The following AGMO variants were observed in gnomAD, a reference collection of about 807,000 sequenced individuals.
AGMO encodes glyceryl-ether monooxygenase.
AGMO carries 75 observed loss-of-function variants against 60.2 expected under a neutral mutation model. That is an observed-to-expected ratio of 1.25 (90% CI 1.03 to 1.51). AGMO has a LOEUF of 1.51. Among genes scored for constraint, AGMO ranks in the 40% most tolerant of loss-of-function variants. The pLI is 0.00. For missense variants in AGMO, 763 were observed against 525.5 expected, an observed-to-expected ratio of 1.45 and a Z score of -4.42; for synonymous variants, 261 against 177.1, an observed-to-expected ratio of 1.47 and a Z score of -3.76.
intron 2 of AGMO, among the ~76,000 whole-genome samples, chr7:15,554,856 G>A (rs190638631): frequency 2.7e-4 from 41 of 151,972 alleles, no homozygotes; most frequent in Admixed American, 1.4e-3. Flanking sequence ...CCATCACCAG[G>A]AATAGAAGTG....
chr7:15,160,438 A>G, the AGMO span, among the ~76,000 whole-genome samples: 2 of 152,168 alleles, frequency 1.3e-5, no homozygotes, highest in African/African-American at 4.8e-5. Context: ...AATATTCCCA[A>G]AATATTATTA....
downstream of AGMO, among the ~76,000 whole-genome samples, chr7:15,198,257 CAGAGACAGAGAG>C (rs1781185309): frequency 8.8e-5 from 5 of 56,534 alleles, no homozygotes; most frequent in African/African-American, 4.9e-4. Flanking sequence ...GAGAGAGAGA[CAGAGACAGAGAG>C]AGAGTGTGTT....
At chr7:15,311,669 A>G (rs1053181909) in intron 12 of AGMO, among the ~76,000 whole-genome samples, 4 of 152,178 alleles carry the variant, frequency 2.6e-5, no homozygotes, top group African/African-American at 9.6e-5. Flanking sequence ...AAACCGCTAT[A>G]TAAATTTTTA....
chr7:15,141,509 C>A, the AGMO span, among the ~76,000 whole-genome samples: 1 of 152,060 alleles, frequency 6.6e-6, no homozygotes, highest in Non-Finnish European at 1.5e-5. Context: ...TTGCTTGAAC[C>A]CGGGAGGCAG....
chr7:15,447,563 T>A (rs28460018), intron 3 of AGMO, among the ~76,000 whole-genome samples: 1 of 152,122 alleles, frequency 6.6e-6, no homozygotes, highest in Non-Finnish European at 1.5e-5. Flanking sequence ...CTTTTTTCTT[T>A]TTTTTTAGAT....
intron 12 of AGMO, among the ~76,000 whole-genome samples, chr7:15,328,610 G>C (rs1034831735): frequency 2.6e-5 from 4 of 152,128 alleles, no homozygotes; most frequent in Admixed American, 6.6e-5. Flanking sequence ...CTCATGCCCG[G>C]AAGCAGCCAT....
chr7:15,438,643 T>C (rs1270324192), intron 3 of AGMO, among the ~76,000 whole-genome samples: 2 of 152,190 alleles, frequency 1.3e-5, no homozygotes, highest in South Asian at 2.1e-4. Context: ...GCTGTTCCTC[T>C]GCAACAGCAA....
chr7:15,365,705 C>G (rs1782949607), intron 11 of AGMO, 86 bp from the exon 12 acceptor site: 3 of 879,036 alleles, frequency 3.4e-6, no homozygotes, highest in Non-Finnish European at 5.3e-6. Flanking sequence ...ACTTCTCATT[C>G]TCAAGAAATA....
chr7:15,392,323 C>CTTG (rs372074782), intron 6 of AGMO, among the ~76,000 whole-genome samples: 1 of 151,450 alleles, frequency 6.6e-6, no homozygotes, highest in African/African-American at 2.4e-5. Context: ...ATCCGCGATC[C>CTTG]GCCTCCCAAA....
chr7:15,358,170 C>T (rs914402682), intron 12 of AGMO: 77 of 186,022 alleles, frequency 4.1e-4, no homozygotes, highest in African/African-American at 1.7e-3. Context: ...GAAATTACAA[C>T]GTGTTCTTCT....
At chr7:15,247,252 A>AATT (rs1435681650) in intron 12 of AGMO, among the ~76,000 whole-genome samples, 1 of 151,958 alleles carries the variant, frequency 6.6e-6, no homozygotes, top group Non-Finnish European at 1.5e-5. Context: ...AAATGCAAAT[A>AATT]ATTATATGTA....
At chr7:15,308,307 A>G (rs73679467) in intron 12 of AGMO, among the ~76,000 whole-genome samples, 285 of 152,096 alleles carry the variant, frequency 1.9e-3, no homozygotes, top group African/African-American at 6.5e-3. Flanking sequence ...ATTTTTTCCT[A>G]TTTAAAAATT....
intron 5 of AGMO, among the ~76,000 whole-genome samples, chr7:15,397,946 T>C (rs1562487337): frequency 6.6e-6 from 1 of 152,154 alleles, no homozygotes; most frequent in East Asian, 1.9e-4. Flanking sequence ...AAACTATTTG[T>C]TAAGAAAAAT....
intron 6 of AGMO, among the ~76,000 whole-genome samples, chr7:15,391,993 G>C (rs550687927): frequency 6.6e-6 from 1 of 152,218 alleles, no homozygotes; most frequent in East Asian, 1.9e-4. Flanking sequence ...ATGCGAAGAT[G>C]AAGTCAGAGG....
At chr7:15,546,420 C>T (rs535249123) in intron 2 of AGMO, among the ~76,000 whole-genome samples, 35 of 152,310 alleles carry the variant, frequency 2.3e-4, no homozygotes, top group African/African-American at 6.5e-4. Flanking sequence ...TACCACATTG[C>T]CAATCTGAGC....
At chr7:15,426,106 T>C (rs1336421919) in intron 4 of AGMO, among the ~76,000 whole-genome samples, 3 of 152,206 alleles carry the variant, frequency 2.0e-5, no homozygotes, top group African/African-American at 7.2e-5. Flanking sequence ...GAGTGTCTAT[T>C]AAATAAAAAT....
chr7:15,498,430 T>C (rs1229955885), intron 3 of AGMO, among the ~76,000 whole-genome samples: 1 of 152,040 alleles, frequency 6.6e-6, no homozygotes, highest in African/African-American at 2.4e-5. Context: ...AGTCATTGTA[T>C]ACATACAGGA....
At chr7:15,537,556 A>G (rs1784512917) in intron 3 of AGMO, among the ~76,000 whole-genome samples, 1 of 152,130 alleles carries the variant, frequency 6.6e-6, no homozygotes, top group Non-Finnish European at 1.5e-5. Flanking sequence ...AATATTGCAC[A>G]GCCGCCCTCG....
At chr7:15,487,965 A>G (rs979547227) in intron 3 of AGMO, among the ~76,000 whole-genome samples, 1 of 152,184 alleles carries the variant, frequency 6.6e-6, no homozygotes, top group African/African-American at 2.4e-5. Context: ...AAAATCTATA[A>G]TTCAGGCTTA....
Sources: allele counts gnomAD v4.1 joint callset (sites outside exome capture counted in the v4.1 genomes callset), GRCh38; gene constraint gnomAD v4.1.1; transcripts MANE v1.5; gene names NCBI Gene and HGNC (gene_info 2026-07-23, HGNC 2026-07-21).